Variants in UMAD1 observed in about 807,000 individuals in gnomAD.
UMAD1 encodes UBAP1-MVB12-associated (UMA) domain containing 1.
UMAD1 carries 8 observed loss-of-function variants against 6.1 expected under a neutral mutation model. The ratio of observed to expected loss-of-function variants is 1.30; its 90% confidence interval spans 0.76 to 2.35. The LOEUF (loss-of-function observed/expected upper bound fraction) is 2.35. Among genes scored for constraint, UMAD1 ranks in the 30% most tolerant of loss-of-function variants. UMAD1 has a pLI of 0.00. For synonymous variants in UMAD1, 56 were observed against 31.4 expected (o/e 1.78, Z -2.61); for missense variants, 130 against 78.4 (o/e 1.66, Z -2.49).
chr7:7,865,944 G>A (rs935069241), intron 3 of UMAD1, among the ~76,000 whole-genome samples: 1 of 152,156 alleles, frequency 6.6e-6, no homozygotes, highest in Non-Finnish European at 1.5e-5. Flanking sequence ...TTTAGGAGAT[G>A]TATTTGTAAA....
chr7:7,761,363 T>TAAAAAAAAAAA (rs375910269), intron 2 of UMAD1, among the ~76,000 whole-genome samples: 16 of 121,126 alleles, frequency 1.3e-4, no homozygotes, highest in East Asian at 2.1e-4. Context: ...GAGACCTAAC[T>TAAAAAAAAAAA]AAAAAAAAAA....
chr7:7,847,103 AAATATATATATAT>A lies in UMAD1; in HGVS notation c.157-30176_157-30164del, dbSNP rs1480545948. Among the ~76,000 whole-genome samples the A allele has an allele frequency of 3.4e-3, 70 of 20,762 alleles. 5 individuals are homozygous for A. Among genetic ancestry groups the A allele is most frequent in the African/African-American group, 4.1e-3 (11 of 2,692 alleles). 13.6% of individuals were successfully genotyped at this position (20,762 alleles called of 152,430 possible). On this transcript the variant is annotated intron_variant, in intron 3 of 3. Transcript: ENST00000682710. ...ACAGCAATGCAAAAAAAAAAAAAAA[AAATATATATATAT>A]ATATATATATATATATATATATATA...
chr7:7,741,578 AAATAAT>A (rs201307561), intron 2 of UMAD1, among the ~76,000 whole-genome samples: 12,322 of 139,332 alleles, frequency 0.088, 613 homozygotes, highest in Middle Eastern at 0.14. Context: ...CAACGTCTCA[AAATAAT>A]AATAATAATA....
intron 2 of UMAD1, among the ~76,000 whole-genome samples, chr7:7,796,249 T>TTTTTTTTTTTTTTTTTTTTG (rs1782677061): frequency 2.1e-5 from 2 of 95,534 alleles, no homozygotes; most frequent in African/African-American, 8.9e-5. Flanking sequence ...TCTTTCTTTT[T>TTTTTTTTTTTTTTTTTTTTG]TTTTTTTTTT....
intron 2 of UMAD1, among the ~76,000 whole-genome samples, chr7:7,796,508 C>T (rs1169805690): frequency 6.6e-6 from 1 of 152,070 alleles, no homozygotes; most frequent in Non-Finnish European, 1.5e-5. Context: ...GCCTCGGCCT[C>T]CCAAAGTGTT....
chr7:7,853,172 G>A (rs111642188), intron 3 of UMAD1, among the ~76,000 whole-genome samples: 1 of 152,144 alleles, frequency 6.6e-6, no homozygotes, highest in Admixed American at 6.5e-5. Context: ...ACATTTAATC[G>A]ATTTCATTGA....
chr7:7,775,463 C>G (rs1202420581), intron 2 of UMAD1, among the ~76,000 whole-genome samples: 1 of 152,148 alleles, frequency 6.6e-6, no homozygotes, highest in African/African-American at 2.4e-5. Flanking sequence ...ATTCTCTTTC[C>G]TGCCACCCTT....
chr7:7,775,062 A>T (rs750558721), intron 2 of UMAD1, among the ~76,000 whole-genome samples: 10 of 152,140 alleles, frequency 6.6e-5, no homozygotes, highest in Non-Finnish European at 1.5e-4. Context: ...GTTCACTGTC[A>T]TATGTGTTTC....
chr7:7,695,282 C>T (rs976952100), intron 2 of UMAD1, among the ~76,000 whole-genome samples: 2 of 152,162 alleles, frequency 1.3e-5, no homozygotes, highest in African/African-American at 4.8e-5. Flanking sequence ...AACATTTTCC[C>T]CACCACAGTT....
chr7:7,775,425 G>C (rs571059517), intron 2 of UMAD1, among the ~76,000 whole-genome samples: 1 of 152,124 alleles, frequency 6.6e-6, no homozygotes, highest in Non-Finnish European at 1.5e-5. Flanking sequence ...GGTTTTATAA[G>C]TGTCTGGCAT....
In UMAD1 at chr7:7,707,405, A is replaced by T. The variant is rs538732332; in HGVS notation, c.82+33952A>T. ...CCTGGAAGCCAGAAGCCTTGTGTTC[A>T]GTTTCTAGCACCATCAGCAATGTTA... On this transcript the variant is annotated intron_variant, in intron 2 of 3. Coordinates refer to ENST00000682710, the MANE Select transcript of UMAD1 (RefSeq NM_001302348.2). 5.3e-5 allele frequency among the ~76,000 whole-genome samples: 8 copies of T among 152,318 alleles called. No individual in the cohort carries two copies. In the South Asian group the frequency reaches 1.4e-3, roughly 28 times the overall value.
chr7:7,695,347 A>G (rs1780284827), intron 2 of UMAD1, among the ~76,000 whole-genome samples: 1 of 152,258 alleles, frequency 6.6e-6, no homozygotes, highest in Admixed American at 6.5e-5. Context: ...TTTGTAACAC[A>G]GAATGATTAT....
chr7:7,878,372 A>G lies in UMAD1; in HGVS notation c.*834A>G, dbSNP rs1392458483. ...GAAGAAAAACATCTCATGATGATAC[A>G]TATTATTGCTGATAACACCCTTATT... On this transcript the variant is annotated 3_prime_UTR_variant, in exon 4 of 4. Transcript: ENST00000682710. The G allele has an allele frequency of 2.6e-5, 4 of 152,196 alleles. No homozygotes were observed. The highest frequency in any genetic ancestry group is 9.6e-5 in the African/African-American group (4 of 41,452). The allele number at this position is 152,196 out of a possible 1,614,324, so 9.4% of individuals were successfully genotyped here.
chr7:7,720,367 C>G (rs947699456), intron 2 of UMAD1, among the ~76,000 whole-genome samples: 5 of 152,132 alleles, frequency 3.3e-5, no homozygotes, highest in African/African-American at 1.2e-4. Flanking sequence ...AACCCTGGGC[C>G]TCTTCCCCAT....
intron 2 of UMAD1, chr7:7,742,466 G>A: frequency 1.9e-6 from 1 of 537,470 alleles, no homozygotes; most frequent in South Asian, 1.4e-5. Context: ...TTGTGGTTGT[G>A]GACACCTTTC....
chr7:7,726,472 A>C (rs1004557657), intron 2 of UMAD1, among the ~76,000 whole-genome samples: 1 of 152,218 alleles, frequency 6.6e-6, no homozygotes, highest in Non-Finnish European at 1.5e-5. Context: ...TTAGGTGACA[A>C]CACTTTACAG....
intron 3 of UMAD1, among the ~76,000 whole-genome samples, chr7:7,851,731 C>T (rs1288920807): frequency 1.3e-5 from 2 of 152,014 alleles, no homozygotes; most frequent in African/African-American, 2.4e-5. Flanking sequence ...CTTTTTAATT[C>T]ATTGTCTTTT....
intron 3 of UMAD1, among the ~76,000 whole-genome samples, chr7:7,869,351 A>G (rs778849062): frequency 1.3e-5 from 2 of 152,210 alleles, no homozygotes; most frequent in Non-Finnish European, 2.9e-5. Flanking sequence ...TCTTTTATTT[A>G]TAGACATTAG....
At chr7:7,712,824 T>C (rs1409983176) in intron 2 of UMAD1, among the ~76,000 whole-genome samples, 1 of 152,198 alleles carries the variant, frequency 6.6e-6, no homozygotes, top group East Asian at 1.9e-4. Context: ...TTTGGGTTGC[T>C]CCTGGTTGGC....
Sources: allele counts gnomAD v4.1 joint callset (sites outside exome capture counted in the v4.1 genomes callset), GRCh38; gene constraint gnomAD v4.1.1; transcripts MANE v1.5; gene names NCBI Gene and HGNC (gene_info 2026-07-23, HGNC 2026-07-21).